Variants in TMEM108 observed in about 807,000 individuals in gnomAD.
TMEM108 encodes cancer/testis antigen 124.
Under a neutral mutation model 35.1 loss-of-function variants are expected in TMEM108, and 12 were observed. That is an observed-to-expected ratio of 0.34 (90% CI 0.22 to 0.55). The LOEUF is 0.55. Among genes scored for constraint, TMEM108 ranks in the 20% least tolerant of loss-of-function variants. TMEM108 has a pLI of 0.89. For synonymous variants in TMEM108, 287 were observed against 308.6 expected (o/e 0.93, Z 0.73); for missense variants, 680 against 753.3 (o/e 0.90, Z 1.14).
intron 2 of TMEM108, among the ~76,000 whole-genome samples, chr3:133,098,860 T>C (rs1294618928): frequency 2.6e-5 from 4 of 152,160 alleles, no homozygotes; most frequent in African/African-American, 9.7e-5. Flanking sequence ...CTGGATGCTT[T>C]CACGGGCTGG....
At chr3:133,147,438 T>C (rs1944737732) in intron 2 of TMEM108, among the ~76,000 whole-genome samples, 1 of 152,224 alleles carries the variant, frequency 6.6e-6, no homozygotes, top group Admixed American at 6.5e-5. Flanking sequence ...CTGACTGGTG[T>C]GAGATGGTAT....
At chr3:133,281,116 A>G (rs1946905902) in intron 3 of TMEM108, among the ~76,000 whole-genome samples, 1 of 152,236 alleles carries the variant, frequency 6.6e-6, no homozygotes, top group Admixed American at 6.5e-5. Flanking sequence ...GAAGAACTGC[A>G]GTCCTTTTTG....
intron 2 of TMEM108, among the ~76,000 whole-genome samples, chr3:133,066,860 T>C (rs1265890914): frequency 6.6e-6 from 1 of 152,198 alleles, no homozygotes; most frequent in African/African-American, 2.4e-5. Context: ...CAGTTATTCT[T>C]TACTTTTGTT....
In TMEM108 at chr3:133,190,846, A is replaced by T. The variant is rs538093030; in HGVS notation, c.-46-38420A>T. ...GTTTTTCTTCCTCGCTCTTATGAAC[A>T]AAGAGGAATATTGGCTCATACGGGA... On this transcript the variant is annotated intron_variant, in intron 2 of 5. Transcript: ENST00000321871. Among the ~76,000 whole-genome samples the T allele has an allele frequency of 2.0e-5, 3 of 152,300 alleles. No homozygotes were observed. The South Asian group carries it at 6.2e-4, about 32-fold the overall frequency.
At chr3:133,122,873 A>T (rs572129868) in intron 2 of TMEM108, among the ~76,000 whole-genome samples, 2 of 151,982 alleles carry the variant, frequency 1.3e-5, no homozygotes, top group East Asian at 3.9e-4. Flanking sequence ...AAAAAAAAAA[A>T]AAAAAAAATT....
intron 2 of TMEM108, among the ~76,000 whole-genome samples, chr3:133,109,050 C>A (rs959178673): frequency 9.9e-5 from 15 of 152,072 alleles, no homozygotes; most frequent in Non-Finnish European, 2.9e-5. Flanking sequence ...CTTGGCCTTG[C>A]AGGTGACCTC....
chr3:133,355,045 A>G (rs1166389994), intron 3 of TMEM108, among the ~76,000 whole-genome samples: 1 of 152,146 alleles, frequency 6.6e-6, no homozygotes, highest in East Asian at 1.9e-4. Context: ...GGGTCATACC[A>G]AGTTCGCACC....
intron 2 of TMEM108, among the ~76,000 whole-genome samples, chr3:133,191,395 A>G (rs930765768): frequency 6.6e-6 from 1 of 152,178 alleles, no homozygotes; most frequent in African/African-American, 2.4e-5. Flanking sequence ...TGAAGTTTTG[A>G]GAAATGTTTA....
chr3:133,190,837 C>G (rs1351476216), intron 2 of TMEM108, among the ~76,000 whole-genome samples: 1 of 152,100 alleles, frequency 6.6e-6, no homozygotes, highest in Non-Finnish European at 1.5e-5. Flanking sequence ...CTTCCTCGCT[C>G]TTATGAACAA....
intron 3 of TMEM108, among the ~76,000 whole-genome samples, chr3:133,368,553 C>A: frequency 6.6e-6 from 1 of 152,096 alleles, no homozygotes; most frequent in Middle Eastern, 3.2e-3. Context: ...CTCACTCTGG[C>A]CTGTGGGATG....
At chr3:133,043,395 G>A in intron 1 of TMEM108, among the ~76,000 whole-genome samples, 1 of 152,012 alleles carries the variant, frequency 6.6e-6, no homozygotes, top group East Asian at 1.9e-4. Context: ...GTAAGATATG[G>A]GGTAAACTTA....
At chr3:133,105,299 G>A (rs1944136440) in intron 2 of TMEM108, among the ~76,000 whole-genome samples, 1 of 152,166 alleles carries the variant, frequency 6.6e-6, no homozygotes, top group African/African-American at 2.4e-5. Context: ...GGCTGTCCAT[G>A]TTCCTTGGTC....
chr3:133,150,736 A>G lies in TMEM108; in HGVS notation c.-46-78530A>G, dbSNP rs150166756. 4.9e-3 allele frequency among the ~76,000 whole-genome samples: 751 copies of G among 152,284 alleles called. 6 individuals are homozygous for G. Among genetic ancestry groups the G allele is most frequent in the African/African-American group, 0.017 (699 of 41,560 alleles). ...AATATCTATAGAAGTTTCTAAACTG[A>G]GGTGAGATCAGAGACATGATGAGAG... On this transcript the variant is annotated intron_variant, in intron 2 of 5. Transcript: ENST00000321871.
chr3:133,252,639 T>C (rs1172202821), intron 3 of TMEM108, among the ~76,000 whole-genome samples: 1 of 151,902 alleles, frequency 6.6e-6, no homozygotes, highest in East Asian at 1.9e-4. Flanking sequence ...AGTTTGAGAG[T>C]ATAATGAAAA....
At chr3:133,101,604 T>A (rs941428372) in intron 2 of TMEM108, among the ~76,000 whole-genome samples, 1 of 152,252 alleles carries the variant, frequency 6.6e-6, no homozygotes, top group Non-Finnish European at 1.5e-5. Flanking sequence ...AGCCGTCTAA[T>A]CTGAGGCATG....
At chr3:133,179,524 GA>G (rs368744506) in intron 2 of TMEM108, among the ~76,000 whole-genome samples, 1 of 152,100 alleles carries the variant, frequency 6.6e-6, no homozygotes, top group Non-Finnish European at 1.5e-5. Context: ...GATGAAGCTG[GA>G]AACCATCATT....
rs1343126077 is a variant in TMEM108, at chr3:133,044,430, T to C, written c.-165-1472T>C. Among the ~76,000 whole-genome samples, 4 of 152,216 alleles carry C rather than the reference T, an allele frequency of 2.6e-5. No homozygotes were observed. The East Asian group carries it at 5.8e-4, about 22-fold the overall frequency. On this transcript the variant is annotated intron_variant, in intron 1 of 5. Coordinates refer to ENST00000321871, the MANE Select transcript of TMEM108 (RefSeq NM_023943.4). ...AAAATGCTGCCTAATTGGGAATTTA[T>C]TTATAATCAATTAGTGCCAGGATAA...
intron 2 of TMEM108, among the ~76,000 whole-genome samples, chr3:133,082,120 C>T (rs1165020674): frequency 6.6e-6 from 1 of 152,218 alleles, no homozygotes; most frequent in African/African-American, 2.4e-5. Context: ...CTGCTTTGTG[C>T]TCTCTCCTTT....
intron 3 of TMEM108, among the ~76,000 whole-genome samples, chr3:133,331,047 T>G (rs1451497820): frequency 2.0e-5 from 3 of 152,054 alleles, no homozygotes; most frequent in Non-Finnish European, 2.9e-5. Context: ...GGGCTGATAA[T>G]GTTTGGTGCA....
Sources: allele counts gnomAD v4.1 joint callset (sites outside exome capture counted in the v4.1 genomes callset), GRCh38; gene constraint gnomAD v4.1.1; transcripts MANE v1.5; gene names NCBI Gene and HGNC (gene_info 2026-07-23, HGNC 2026-07-21).